Variants in TULP2 observed in about 807,000 individuals in gnomAD.
The protein encoded by TULP2 is TUB like protein 2.
In TULP2, 64 loss-of-function variants were observed where a neutral mutation model predicts 60.3. The observed-to-expected ratio is 1.06, with a 90% CI of 0.87 to 1.31. The LOEUF is 1.31. TULP2 is among the 50% of genes most tolerant of loss of function. TULP2 has a pLI of 0.00. For synonymous variants in TULP2, 267 were observed against 265.4 expected (o/e 1.01, Z -0.06); for missense variants, 652 against 667.0 (o/e 0.98, Z 0.25).
At chr19:48,884,492 C>T (rs991252881) in intron 9 of TULP2, among the ~76,000 whole-genome samples, 2 of 149,222 alleles carry the variant, frequency 1.3e-5, no homozygotes, top group Non-Finnish European at 3.0e-5. Context: ...TAAATGAGGC[C>T]GGGTACGGTG....
At chr19:48,893,296 G>A (rs2037249842) in intron 6 of TULP2, among the ~76,000 whole-genome samples, 1 of 150,996 alleles carries the variant, frequency 6.6e-6, no homozygotes, top group Non-Finnish European at 1.5e-5. Context: ...CTTGAACCCA[G>A]AAGGCAGAGG....
In TULP2 at chr19:48,897,914, A is replaced by T. The variant is rs1230755885; in HGVS notation, c.-1-45T>A. On this transcript the variant is annotated intron_variant, in intron 1 of 12. Transcript: ENST00000221399. This position sits in a 1 kb window ranked among gnomAD's most constrained non-coding sequence, Gnocchi z 4.0. Reference sequence around the variant, plus strand: ...GAGTCAGGATCAGAACCAACATCCCAATGGATCCTGCCCACCAGCACCTAA... The same window carrying T: ...GAGTCAGGATCAGAACCAACATCCCTATGGATCCTGCCCACCAGCACCTAA... 1 of 1,573,884 alleles carries T rather than the reference A, an allele frequency of 6.4e-7. No homozygotes were observed. The highest frequency in any genetic ancestry group is 1.4e-5 in the African/African-American group (1 of 73,662).
intron 6 of TULP2, among the ~76,000 whole-genome samples, chr19:48,892,523 G>C (rs1003987952): frequency 4.0e-5 from 6 of 150,932 alleles, no homozygotes; most frequent in Admixed American, 2.6e-4. Flanking sequence ...TTTGGGGGGG[G>C]GACGGAGTCT....
intron 6 of TULP2, among the ~76,000 whole-genome samples, chr19:48,891,729 C>G (rs1428063203): frequency 6.6e-6 from 1 of 152,158 alleles, no homozygotes; most frequent in Non-Finnish European, 1.5e-5. Context: ...GGGACCAGTG[C>G]TCCGCAAGTG....
In TULP2 at chr19:48,894,982, A is replaced by G. The variant is rs776053600; in HGVS notation, c.514+16T>C. 8.7e-6 allele frequency: 14 copies of G among 1,606,122 alleles called. No individual in the cohort carries two copies. Among genetic ancestry groups the G allele is most frequent in the Middle Eastern group, 1.8e-4 (1 of 5,466 alleles). On this transcript the variant is annotated intron_variant, in intron 6 of 12. Coordinates refer to ENST00000221399, the MANE Select transcript of TULP2 (RefSeq NM_003323.3). ...CCAGGAGATCCCAGGTTTCACCCCA[A>G]TGTCCCCTAAATTACCAGGTCGTTG...
At position 48,888,274 on chromosome 19, in the gene TULP2, C is replaced by T. The variant is rs773577086; in HGVS notation, c.637-13G>A. On this transcript the variant is annotated splice_polypyrimidine_tract_variant and intron_variant, in intron 7 of 12. Coordinates refer to ENST00000221399, the MANE Select transcript of TULP2 (RefSeq NM_003323.3). ...CCAAGTCTTCTTCCTAGCCCAGGCA[C>T]CAAATTTAAAGTCGAGGGACAACCA... 2 of 1,570,984 alleles carry T rather than the reference C, an allele frequency of 1.3e-6. No homozygotes were observed. Among genetic ancestry groups the T allele is most frequent in the African/African-American group, 2.7e-5 (2 of 73,532 alleles).
At chr19:48,890,345 C>A (rs1416397827) in intron 6 of TULP2, among the ~76,000 whole-genome samples, 2 of 151,892 alleles carry the variant, frequency 1.3e-5, no homozygotes, top group East Asian at 3.9e-4. Flanking sequence ...CCTTTGTTCA[C>A]GTGTTTGTCT....
At chr19:48,894,163 T>C (rs767827199) in intron 6 of TULP2, among the ~76,000 whole-genome samples, 24 of 151,870 alleles carry the variant, frequency 1.6e-4, no homozygotes, top group Admixed American at 3.9e-4. Flanking sequence ...CTCCGGAGTA[T>C]CTGGGATTAC....
At chr19:48,886,620 G>A (rs1046491571) in intron 8 of TULP2, among the ~76,000 whole-genome samples, 1 of 152,092 alleles carries the variant, frequency 6.6e-6, no homozygotes, top group African/African-American at 2.4e-5. Context: ...GTAAAGGCCA[G>A]AAAGACTAGA....
chr19:48,886,866 C>G lies in TULP2; in HGVS notation c.948+1084G>C, dbSNP rs949646682. 5.3e-5 allele frequency among the ~76,000 whole-genome samples: 8 copies of G among 151,682 alleles called. No individual in the cohort carries two copies. The East Asian group carries it at 1.5e-3, about 29-fold the overall frequency. On this transcript the variant is annotated intron_variant, in intron 8 of 12. Coordinates refer to ENST00000221399, the MANE Select transcript of TULP2 (RefSeq NM_003323.3). ...AGCTGGGACTACAGGTGGGCACCAC[C>G]AGGCCTGGCTAATTTTTTTTTTTTT...
chr19:48,882,331 C>A lies in TULP2; in HGVS notation c.1276-128G>T, dbSNP rs1044474832. On this transcript the variant is annotated intron_variant, in intron 11 of 12. Coordinates refer to ENST00000221399, the MANE Select transcript of TULP2 (RefSeq NM_003323.3). Reference sequence around the variant, plus strand: ...GGGGCTGGGTAAAATGAGGATGAGACCTGCTGGGCTGCGTTCCCAGGAGGT... The same window carrying A: ...GGGGCTGGGTAAAATGAGGATGAGAACTGCTGGGCTGCGTTCCCAGGAGGT... 4 of 1,024,712 alleles carry A rather than the reference C, an allele frequency of 3.9e-6. No homozygotes were observed. In the South Asian group the frequency reaches 6.3e-5, roughly 16 times the overall value. The allele number at this position is 1,024,712 out of a possible 1,614,324, so 63.5% of individuals were successfully genotyped here.
chr19:48,895,435 G>C lies in TULP2; in HGVS notation c.280C>G (p.Leu94Val). Reference protein sequence around the residue: ...AHLPSGIHSALGTVSCGGDGR... With the variant: ...AHLPSGIHSAVGTVSCGGDGR... ...TCTCCACCACAGCTCACGGTGCCCA[G>C]GGCACTGTGGATGCCAGAGGGCAGA... Residue 94 changes from leucine (L) to valine (V), a missense_variant, in exon 5 of 13, where the codon CTG (leucine) becomes GTG (valine). Transcript: ENST00000221399. 1 of 1,613,902 alleles carries C rather than the reference G, an allele frequency of 6.2e-7. No homozygotes were observed. Among genetic ancestry groups the C allele is most frequent in the Non-Finnish European group, 8.5e-7 (1 of 1,179,914 alleles).
At chr19:48,881,193 C>CT (rs749458605) in intron 12 of TULP2, 67 bp from the exon 13 acceptor site, 5,009 of 293,446 alleles carry the variant, frequency 0.017, 1 homozygote, top group East Asian at 0.031. Context: ...AGAACTGAGA[C>CT]TTTTTTTTTT....
intron 9 of TULP2, among the ~76,000 whole-genome samples, chr19:48,885,164 G>C (rs1300374155): frequency 6.6e-6 from 1 of 152,076 alleles, no homozygotes; most frequent in Non-Finnish European, 1.5e-5. Flanking sequence ...GCCTCCCAAA[G>C]TGCTGAGATT....
rs897224328 is a variant in TULP2 at position 48,897,220 on chromosome 19, G to A, written c.84+125C>T. 3.7e-6 allele frequency: 4 copies of A among 1,087,440 alleles called. No individual in the cohort carries two copies. In the South Asian group the frequency reaches 4.1e-5, roughly 11 times the overall value. The allele number at this position is 1,087,440 out of a possible 1,614,324, so 67.4% of individuals were successfully genotyped here. ...TTCCTATTTTCTCATTTCTCAGTGGGAAAACTCAAGGATGAGAGACAGCCA... is the reference window on the plus strand; with the variant it reads ...TTCCTATTTTCTCATTTCTCAGTGGAAAAACTCAAGGATGAGAGACAGCCA... On this transcript the variant is annotated intron_variant, in intron 3 of 12. Transcript: ENST00000221399. This position sits in a 1 kb window ranked among gnomAD's most constrained non-coding sequence, Gnocchi z 4.0.
At chr19:48,885,813 G>T (rs1214849671) in intron 8 of TULP2, among the ~76,000 whole-genome samples, 8 of 151,812 alleles carry the variant, frequency 5.3e-5, no homozygotes, top group Admixed American at 5.3e-4. Context: ...TGAACCCAGG[G>T]GGCAGAGGTT....
chr19:48,880,990 G>C lies in TULP2; in HGVS notation c.*21C>G, dbSNP rs755559403. On this transcript the variant is annotated 3_prime_UTR_variant, in exon 13 of 13. Transcript: ENST00000221399. Reference sequence around the variant, plus strand: ...GCTGGCAAGGGTATGGTATTTTATTGAGTTATTCAACAGCCAGCTTCTAAT... The same window carrying C: ...GCTGGCAAGGGTATGGTATTTTATTCAGTTATTCAACAGCCAGCTTCTAAT... The C allele has an allele frequency of 6.3e-7, 1 of 1,591,672 alleles. No individual in the cohort carries two copies. The highest frequency in any genetic ancestry group is 8.6e-7 in the Non-Finnish European group (1 of 1,160,094).
chr19:48,885,533 T>C lies in TULP2; in HGVS notation c.976A>G (p.Arg326Gly). 6.2e-7 allele frequency: 1 copy of C among 1,613,988 alleles called. No homozygotes were observed. The highest frequency in any genetic ancestry group is 8.5e-7 in the Non-Finnish European group (1 of 1,179,912). ...AGGTAATTAGAAGTTTTGCTCCTTC[T>C]TCTCTTTCGCCCAGCCAGGAGGAAG... ...QRFLLAGRKR[R>G]RSKTSNYLIS... The change falls in exon 9 of 13, where the codon AGA becomes GGA. Residue 326 changes from arginine (R) to glycine (G), a missense_variant. Transcript: ENST00000221399.
chr19:48,897,521 G>A lies in TULP2; in HGVS notation c.33-125C>T. On this transcript the variant is annotated intron_variant, in intron 2 of 12. Transcript: ENST00000221399. This position sits in a 1 kb window ranked among gnomAD's most constrained non-coding sequence, Gnocchi z 4.0. ...CTGGGCACCTGTGAGGTCACAGGAG[G>A]TGCAGAACCTGAGCCTGCTCCACCA... 2 of 964,268 alleles carry A rather than the reference G, an allele frequency of 2.1e-6. No homozygotes were observed. The highest frequency in any genetic ancestry group is 2.6e-5 in the East Asian group (1 of 38,276). 59.7% of individuals were successfully genotyped at this position (964,268 alleles called of 1,614,324 possible). A position where few individuals can be genotyped will look rare whatever the true frequency, so the allele number is the denominator to read the frequency against.
Sources: gnomAD v4.1 joint callset for allele counts (sites outside exome capture counted in the v4.1 genomes callset) on GRCh38, gnomAD v4.1.1 for gene constraint, Gnocchi (gnomAD v3.1) non-coding constraint, MANE v1.5 for transcripts, NCBI Gene and HGNC (gene_info 2026-07-23, HGNC 2026-07-21) for gene names.